The following FGF14 variants were observed in gnomAD, a reference collection of about 807,000 sequenced individuals.
The protein encoded by FGF14 is fibroblast growth factor homologous factor 4.
Under a neutral mutation model 25.5 loss-of-function variants are expected in FGF14, and 5 were observed. The observed-to-expected ratio is 0.20, with a 90% confidence interval of 0.10 to 0.41. The LOEUF is 0.41. Ranked by LOEUF, FGF14 falls within the 10% of genes least tolerant of loss-of-function variation. FGF14 has a pLI of 1.00. For missense variants in FGF14, 222 were observed against 320.1 expected (o/e 0.69, Z 2.34); for synonymous variants, 138 against 118.3 (o/e 1.17, Z -1.08).
intron 1 of FGF14, among the ~76,000 whole-genome samples, chr13:102,203,919 C>T (rs4995839): frequency 3.7e-4 from 57 of 152,324 alleles, no homozygotes; most frequent in African/African-American, 1.3e-3. Flanking sequence ...GTGCACTGTT[C>T]ACTTAATTAG....
chr13:102,107,709 A>G (rs114018215), intron 1 of FGF14, among the ~76,000 whole-genome samples: 194 of 152,296 alleles, frequency 1.3e-3, no homozygotes, highest in African/African-American at 4.3e-3. Context: ...CTGGCATTGG[A>G]AAATTTCTTA....
chr13:101,772,363 T>C (rs915817647), intron 3 of FGF14, among the ~76,000 whole-genome samples: 11 of 152,086 alleles, frequency 7.2e-5, no homozygotes, highest in Admixed American at 7.2e-4. Context: ...AATAAAATAG[T>C]TGCAACATGC....
At chr13:101,973,009 T>C (rs2037700352) in intron 1 of FGF14, among the ~76,000 whole-genome samples, 1 of 152,160 alleles carries the variant, frequency 6.6e-6, no homozygotes, top group South Asian at 2.1e-4. Flanking sequence ...GCTCGGTGGA[T>C]TGGACAAACA....
chr13:102,037,024 C>T (rs16951720), intron 1 of FGF14, among the ~76,000 whole-genome samples: 3,713 of 152,044 alleles, frequency 0.024, 167 homozygotes, highest in African/African-American at 0.085. Context: ...TAGTCATCAC[C>T]CTAATGGATA....
chr13:101,769,972 T>C (rs2038656105), intron 3 of FGF14, among the ~76,000 whole-genome samples: 2 of 152,110 alleles, frequency 1.3e-5, no homozygotes, highest in African/African-American at 4.8e-5. Flanking sequence ...GTGCTAATGA[T>C]GCATCATGTA....
intron 1 of FGF14, among the ~76,000 whole-genome samples, chr13:101,895,272 ATTGGATTTTCAACAGTTTCTGAAGT>A (rs2030464209): frequency 6.6e-6 from 1 of 152,146 alleles, no homozygotes; most frequent in Non-Finnish European, 1.5e-5. Context: ...TAAAGAAATC[ATTGGATTTTCAACAGTTTCTGAAGT>A]TTGATAATGT....
At chr13:102,112,017 T>A (rs2045254134) in intron 1 of FGF14, among the ~76,000 whole-genome samples, 1 of 152,228 alleles carries the variant, frequency 6.6e-6, no homozygotes. Context: ...ATATCTAGCA[T>A]CATAGCTCAA....
At chr13:102,195,190 G>T (rs1382787699) in intron 1 of FGF14, among the ~76,000 whole-genome samples, 1 of 152,144 alleles carries the variant, frequency 6.6e-6, no homozygotes, top group African/African-American at 2.4e-5. Context: ...AGCACCAGTA[G>T]ACGTAACAAT....
chr13:102,318,961 C>T (rs766847936), intron 1 of FGF14, among the ~76,000 whole-genome samples: 2 of 152,138 alleles, frequency 1.3e-5, no homozygotes, highest in Non-Finnish European at 2.9e-5. Context: ...AAGTCTTTAA[C>T]TTGGGGTGTC....
intron 1 of FGF14, among the ~76,000 whole-genome samples, chr13:102,159,205 C>T (rs1016714791): frequency 1.4e-5 from 2 of 142,550 alleles, no homozygotes; most frequent in East Asian, 4.1e-4. Context: ...TTTACATGAA[C>T]ATATGAAAAA....
At chr13:102,140,865 C>G (rs1192701670) in intron 1 of FGF14, among the ~76,000 whole-genome samples, 1 of 152,052 alleles carries the variant, frequency 6.6e-6, no homozygotes, top group East Asian at 1.9e-4. Flanking sequence ...AAACTCAAAC[C>G]CAAATTAACC....
intron 1 of FGF14, among the ~76,000 whole-genome samples, chr13:101,997,049 T>C (rs2039222308): frequency 6.6e-6 from 1 of 152,192 alleles, no homozygotes; most frequent in Non-Finnish European, 1.5e-5. Context: ...GCCAGCTGAA[T>C]TAGCAGTGGT....
intron 1 of FGF14, among the ~76,000 whole-genome samples, chr13:101,898,627 A>G (rs1338407346): frequency 2.0e-5 from 3 of 152,162 alleles, no homozygotes; most frequent in African/African-American, 7.2e-5. Context: ...TAGTCTTTCT[A>G]TATTTAAGAA....
At chr13:102,112,142 C>A (rs1244551773) in intron 1 of FGF14, among the ~76,000 whole-genome samples, 12 of 152,204 alleles carry the variant, frequency 7.9e-5, no homozygotes, top group Non-Finnish European at 5.9e-5. Flanking sequence ...CTCACTTAAT[C>A]TCTCAAAACT....
chr13:102,343,516 A>C (rs1172325564), intron 1 of FGF14, among the ~76,000 whole-genome samples: 1 of 152,218 alleles, frequency 6.6e-6, no homozygotes, highest in Admixed American at 6.5e-5. Flanking sequence ...TCACCACTAA[A>C]GGGCTTTACA....
At chr13:101,837,769 T>C (rs1272717135) in intron 3 of FGF14, among the ~76,000 whole-genome samples, 1 of 152,076 alleles carries the variant, frequency 6.6e-6, no homozygotes, top group Admixed American at 6.6e-5. Flanking sequence ...CGATGGTTAA[T>C]ATTGTGTCAA....
chr13:102,119,386 A>G (rs2045615740), intron 1 of FGF14, among the ~76,000 whole-genome samples: 1 of 152,190 alleles, frequency 6.6e-6, no homozygotes, highest in Non-Finnish European at 1.5e-5. Flanking sequence ...GACTAATGAC[A>G]CACAATAACC....
At chr13:101,931,307 G>A (rs754210560) in intron 1 of FGF14, among the ~76,000 whole-genome samples, 2 of 151,958 alleles carry the variant, frequency 1.3e-5, no homozygotes, top group Admixed American at 6.6e-5. Flanking sequence ...TCTCCCTCAC[G>A]CTGTCTCAGT....
chr13:102,068,679 G>T (rs192075702), intron 1 of FGF14, among the ~76,000 whole-genome samples: 1 of 152,332 alleles, frequency 6.6e-6, no homozygotes, highest in Admixed American at 6.5e-5. Flanking sequence ...CGCTGTGCTC[G>T]ATTTCTCGCC....
Sources: allele counts gnomAD v4.1 joint callset (sites outside exome capture counted in the v4.1 genomes callset), GRCh38; gene constraint gnomAD v4.1.1; transcripts MANE v1.5; gene names NCBI Gene and HGNC (gene_info 2026-07-23, HGNC 2026-07-21).